Variants in THRB observed in about 807,000 individuals in gnomAD.
THRB encodes the protein nuclear receptor subfamily 1 group A member 2.
In THRB, 12 loss-of-function variants were observed where a neutral mutation model predicts 47.8. The ratio of observed to expected loss-of-function variants is 0.25; its 90% CI spans 0.16 to 0.41. THRB has a LOEUF of 0.41. Ranked by LOEUF, THRB falls within the 10% of genes least tolerant of loss-of-function variation. The pLI is 1.00. For synonymous variants in THRB, 218 were observed against 212.2 expected, an observed-to-expected ratio of 1.03 and a Z score of -0.24; for missense variants, 348 against 589.2, an observed-to-expected ratio of 0.59 and a Z score of 4.24.
intron 3 of THRB, among the ~76,000 whole-genome samples, chr3:24,269,826 G>A (rs2053139417): frequency 6.6e-6 from 1 of 152,154 alleles, no homozygotes; most frequent in African/African-American, 2.4e-5. Flanking sequence ...GCAAGGAGAT[G>A]CCCACTTTAT....
At chr3:24,276,699 A>G (rs2053949230) in intron 3 of THRB, among the ~76,000 whole-genome samples, 2 of 152,290 alleles carry the variant, frequency 1.3e-5, no homozygotes, top group African/African-American at 2.4e-5. Flanking sequence ...ATGACTTAAG[A>G]CTGTAGAAGG....
rs762782799 is a variant in THRB at position 24,190,306 on chromosome 3, CGGTTTGTCCCA to C, written c.40_50del (p.Trp14GlufsTer17). Reference sequence around the variant, plus strand: ...CGTGTTCTCGGTCTGGACAGTGCTTCGGTTTGTCCCAGGCTGTAAGGCCATTTTCTAAAGGG... The same window carrying C: ...CGTGTTCTCGGTCTGGACAGTGCTTCGGCTGTAAGGCCATTTTCTAAAGGG... On this transcript the variant is annotated frameshift_variant, in exon 5 of 11. Coordinates refer to ENST00000646209, the MANE Select transcript of THRB (RefSeq NM_001354712.2). LOFTEE classifies it high-confidence loss of function. The C allele has an allele frequency of 6.2e-7, 1 of 1,614,070 alleles. No individual in the cohort carries two copies. Among genetic ancestry groups the C allele is most frequent in the Non-Finnish European group, 8.5e-7 (1 of 1,179,956 alleles).
At chr3:24,301,460 C>T (rs2056936662) in intron 2 of THRB, among the ~76,000 whole-genome samples, 1 of 152,156 alleles carries the variant, frequency 6.6e-6, no homozygotes, top group Non-Finnish European at 1.5e-5. Flanking sequence ...GCAAAGCAGA[C>T]ATTAACACTT....
chr3:24,481,148 G>C (rs370301750), intron 1 of THRB, among the ~76,000 whole-genome samples: 21 of 151,370 alleles, frequency 1.4e-4, no homozygotes, highest in African/African-American at 5.1e-4. Flanking sequence ...CCACTTTGGG[G>C]CCATGATTCT....
intron 2 of THRB, among the ~76,000 whole-genome samples, chr3:24,313,261 G>A (rs1165084309): frequency 6.6e-6 from 1 of 152,108 alleles, no homozygotes; most frequent in Non-Finnish European, 1.5e-5. Flanking sequence ...ATCATTGTCT[G>A]CACCACTCAT....
chr3:24,482,538 CCTCTCTCTCT>C (rs10575358), intron 1 of THRB, among the ~76,000 whole-genome samples: 9 of 130,916 alleles, frequency 6.9e-5, no homozygotes, highest in East Asian at 2.2e-4. Flanking sequence ...TTTCTGTCTC[CCTCTCTCTCT>C]CTCTCTCTCT....
chr3:24,304,307 T>C (rs2057176745), intron 2 of THRB, among the ~76,000 whole-genome samples: 1 of 152,176 alleles, frequency 6.6e-6, no homozygotes, highest in Non-Finnish European at 1.5e-5. Context: ...AACACCTTTT[T>C]TTAAAAGTAG....
intron 3 of THRB, among the ~76,000 whole-genome samples, chr3:24,260,634 C>T (rs2051862659): frequency 6.6e-6 from 1 of 152,122 alleles, no homozygotes; most frequent in Non-Finnish European, 1.5e-5. Context: ...CTCAGGTGCG[C>T]ACTAAATGCT....
At chr3:24,128,211 G>C (rs948241992) in intron 9 of THRB, among the ~76,000 whole-genome samples, 1 of 152,152 alleles carries the variant, frequency 6.6e-6, no homozygotes, top group African/African-American at 2.4e-5. Flanking sequence ...CTTCCTTTTG[G>C]TTTTTGAAGC....
At chr3:24,192,077 A>G (rs1382548254) in intron 4 of THRB, among the ~76,000 whole-genome samples, 1 of 152,208 alleles carries the variant, frequency 6.6e-6, no homozygotes, top group African/African-American at 2.4e-5. Flanking sequence ...TATTCATTGC[A>G]TGGTAAATCA....
chr3:24,386,808 T>C (rs1038654637), intron 1 of THRB, among the ~76,000 whole-genome samples: 13 of 152,158 alleles, frequency 8.5e-5, no homozygotes, highest in African/African-American at 2.9e-4. Context: ...TGCTTAAACC[T>C]GAACAGAAAG....
intron 1 of THRB, among the ~76,000 whole-genome samples, chr3:24,358,552 G>C (rs890369467): frequency 1.3e-5 from 2 of 152,112 alleles, no homozygotes; most frequent in African/African-American, 4.8e-5. Flanking sequence ...TATTCTGAAT[G>C]TCATCTTTAT....
At chr3:24,296,703 A>T (rs1017735719) in intron 3 of THRB, among the ~76,000 whole-genome samples, 1 of 152,200 alleles carries the variant, frequency 6.6e-6, no homozygotes, top group African/African-American at 2.4e-5. Flanking sequence ...TAAAGGAGGT[A>T]TCCTGTGGAG....
At chr3:24,354,776 T>TC (rs1220935258) in intron 1 of THRB, among the ~76,000 whole-genome samples, 1 of 152,058 alleles carries the variant, frequency 6.6e-6, no homozygotes, top group Non-Finnish European at 1.5e-5. Context: ...AGATTTTGAA[T>TC]CCCCCAAGGC....
chr3:24,133,484 G>C (rs1402211943), intron 8 of THRB, 22 bp from the exon 9 acceptor site: 2 of 1,612,248 alleles, frequency 1.2e-6, no homozygotes, highest in Admixed American at 3.3e-5. Context: ...AAAAAAGAAA[G>C]ATTTAAATGA....
chr3:24,428,936 A>G (rs1454064154), intron 1 of THRB, among the ~76,000 whole-genome samples: 5 of 151,914 alleles, frequency 3.3e-5, no homozygotes, highest in Admixed American at 1.3e-4. Context: ...CTCTAGGCTC[A>G]GATGCATTGG....
intron 5 of THRB, among the ~76,000 whole-genome samples, chr3:24,152,859 G>A (rs1206444537): frequency 6.6e-6 from 1 of 151,868 alleles, no homozygotes; most frequent in Non-Finnish European, 1.5e-5. Flanking sequence ...CTACTCAGGA[G>A]GCTGAGGCAA....
intron 3 of THRB, among the ~76,000 whole-genome samples, chr3:24,247,244 C>T (rs1026307899): frequency 4.6e-5 from 7 of 152,140 alleles, no homozygotes; most frequent in Non-Finnish European, 1.0e-4. Context: ...CATGTGTGCA[C>T]GGTTTCCTAA....
intron 1 of THRB, among the ~76,000 whole-genome samples, chr3:24,354,061 T>C (rs559918271): frequency 6.4e-4 from 97 of 152,270 alleles, no homozygotes; most frequent in African/African-American, 2.3e-3. Context: ...GACATTTAGG[T>C]TGGTTCCATG....
Sources: allele counts gnomAD v4.1 joint callset (sites outside exome capture counted in the v4.1 genomes callset), GRCh38; gene constraint gnomAD v4.1.1; transcripts MANE v1.5; gene names NCBI Gene and HGNC (gene_info 2026-07-23, HGNC 2026-07-21).